Variants in FAF1 observed in about 807,000 individuals in gnomAD.
The protein encoded by FAF1 is FAS-associated factor 1.
A neutral mutation model predicts 92.5 loss-of-function variants in FAF1; 25 were observed. The ratio of observed to expected loss-of-function variants is 0.27; its 90% CI spans 0.20 to 0.38. FAF1 has a LOEUF of 0.38. FAF1 is among the 10% of genes least tolerant of loss of function. FAF1 has a pLI of 1.00. For synonymous variants in FAF1, 234 were observed against 273.2 expected, an observed-to-expected ratio of 0.86 and a Z score of 1.42; for missense variants, 636 against 793.3, an observed-to-expected ratio of 0.80 and a Z score of 2.38.
chr1:50,566,539 T>G (rs1317412484), intron 13 of FAF1, among the ~76,000 whole-genome samples: 1 of 152,042 alleles, frequency 6.6e-6, no homozygotes, highest in African/African-American at 2.4e-5. Flanking sequence ...TCCTGACAAC[T>G]AGGAAAGGAA....
intron 8 of FAF1, among the ~76,000 whole-genome samples, chr1:50,618,717 A>T (rs1400077948): frequency 2.0e-5 from 3 of 147,458 alleles, no homozygotes; most frequent in African/African-American, 5.0e-5. Flanking sequence ...TTTTACTAAC[A>T]TTTGTTTTAT....
chr1:50,840,785 CA>C (rs1644249381), intron 2 of FAF1, among the ~76,000 whole-genome samples: 1 of 151,652 alleles, frequency 6.6e-6, no homozygotes, highest in Non-Finnish European at 1.5e-5. Flanking sequence ...AATTGTCAGA[CA>C]AGTAAATATA....
At chr1:50,843,098 G>A (rs1468068224) in intron 2 of FAF1, among the ~76,000 whole-genome samples, 1 of 152,116 alleles carries the variant, frequency 6.6e-6, no homozygotes, top group East Asian at 1.9e-4. Context: ...AAATAGAGAT[G>A]TTATCGAATG....
At position 50,841,136 on chromosome 1, in the gene FAF1, T is replaced by C. The variant is rs529565856; in HGVS notation, c.114+16793A>G. ...AGATGTGGCGCAGCAATGGCTCCAC[T>C]ACAGCAGTAAGAAAAAGATTTAAAA... On this transcript the variant is annotated intron_variant, in intron 2 of 18. Transcript: ENST00000396153. 9.3e-4 allele frequency among the ~76,000 whole-genome samples: 141 copies of C among 152,180 alleles called. No individual in the cohort carries two copies. The South Asian group carries it at 0.012, about 13-fold the overall frequency.
chr1:50,699,356 T>A (rs999701396), intron 7 of FAF1, among the ~76,000 whole-genome samples: 2 of 152,138 alleles, frequency 1.3e-5, no homozygotes, highest in African/African-American at 4.8e-5. Context: ...CAGGTTTTTT[T>A]AATCTCATAA....
intron 1 of FAF1, among the ~76,000 whole-genome samples, chr1:50,934,113 T>C (rs957525754): frequency 6.6e-6 from 1 of 152,194 alleles, no homozygotes; most frequent in Non-Finnish European, 1.5e-5. Flanking sequence ...ATTTCTCCTA[T>C]TTATTAGTGG....
At chr1:50,928,196 A>G (rs1194755445) in intron 1 of FAF1, among the ~76,000 whole-genome samples, 1 of 152,198 alleles carries the variant, frequency 6.6e-6, no homozygotes, top group Admixed American at 6.5e-5. Flanking sequence ...TGTCTTTGGC[A>G]CACAGACGAC....
At chr1:50,759,771 G>A (rs1660247934) in intron 4 of FAF1, among the ~76,000 whole-genome samples, 1 of 152,208 alleles carries the variant, frequency 6.6e-6, no homozygotes, top group Non-Finnish European at 1.5e-5. Flanking sequence ...CACACCAACA[G>A]TGTAAAAGTG....
At chr1:50,507,662 G>A (rs1437273552) in intron 15 of FAF1, among the ~76,000 whole-genome samples, 1 of 152,166 alleles carries the variant, frequency 6.6e-6, no homozygotes, top group East Asian at 1.9e-4. Context: ...GTTACAGTGA[G>A]CTACCATCAT....
chr1:50,489,908 G>A (rs1646810343), intron 17 of FAF1, among the ~76,000 whole-genome samples: 1 of 822 alleles, frequency 1.2e-3, no homozygotes, highest in Non-Finnish European at 2.8e-3. Flanking sequence ...ATATTTGTTG[G>A]CACAAAAGGC....
chr1:50,448,179 A>C (rs746182091), intron 18 of FAF1, among the ~76,000 whole-genome samples: 1 of 152,166 alleles, frequency 6.6e-6, no homozygotes, highest in African/African-American at 2.4e-5. Flanking sequence ...GGCCTGACAC[A>C]TGGAAGCTAT....
At chr1:50,597,496 G>C (rs150241546) in intron 8 of FAF1, among the ~76,000 whole-genome samples, 1 of 152,024 alleles carries the variant, frequency 6.6e-6, no homozygotes, top group Admixed American at 6.6e-5. Flanking sequence ...TATGAGGGTA[G>C]CTACAAAAGC....
intron 7 of FAF1, among the ~76,000 whole-genome samples, chr1:50,658,931 G>A (rs141877006): frequency 6.6e-6 from 1 of 152,304 alleles, no homozygotes; most frequent in African/African-American, 2.4e-5. Flanking sequence ...GTATATGGAT[G>A]AAGCACAAGT....
At position 50,729,058 on chromosome 1, in the gene FAF1, A is replaced by ATATTTTTTTTT. The variant is rs1375923156; in HGVS notation, c.551+9804_551+9805insAAAAAAAAATA. 2.2e-3 allele frequency among the ~76,000 whole-genome samples: 155 copies of ATATTTTTTTTT among 70,050 alleles called. 5 individuals carry two copies. Among genetic ancestry groups the ATATTTTTTTTT allele is most frequent in the African/African-American group, 8.8e-3 (149 of 16,878 alleles). The allele number at this position is 70,050 out of a possible 152,430, so 46.0% of individuals were successfully genotyped here. On this transcript the variant is annotated intron_variant, in intron 6 of 18. Coordinates refer to ENST00000396153, the MANE Select transcript of FAF1 (RefSeq NM_007051.3). ...TCTATATATATATATATATATATATATTTTTTTTTTTTTTGAGGCAGAGTT... is the reference window on the plus strand; with the variant it reads ...TCTATATATATATATATATATATATATATTTTTTTTTTTTTTTTTTTTTTTGAGGCAGAGTT...
At chr1:50,672,211 A>AT (rs1221937378) in intron 7 of FAF1, among the ~76,000 whole-genome samples, 3 of 151,456 alleles carry the variant, frequency 2.0e-5, no homozygotes, top group African/African-American at 7.3e-5. Flanking sequence ...TGCCCAGCTA[A>AT]TTTTTTTGTA....
At chr1:50,804,422 CAAATAA>C (rs1267547251) in intron 2 of FAF1, among the ~76,000 whole-genome samples, 3 of 151,630 alleles carry the variant, frequency 2.0e-5, no homozygotes, top group Non-Finnish European at 2.9e-5. Flanking sequence ...AAAAACAAAA[CAAATAA>C]AAATAAAAAT....
intron 1 of FAF1, among the ~76,000 whole-genome samples, chr1:50,898,887 T>C (rs1016803568): frequency 6.6e-6 from 1 of 152,256 alleles, no homozygotes; most frequent in Non-Finnish European, 1.5e-5. Flanking sequence ...TGTTGGTTTA[T>C]GGTTTTCCTC....
chr1:50,722,577 C>T (rs1377022625), intron 6 of FAF1, among the ~76,000 whole-genome samples: 5 of 145,440 alleles, frequency 3.4e-5, no homozygotes, highest in East Asian at 2.1e-4. Context: ...TGAACCTGGG[C>T]GGCAGAGCTT....
At chr1:50,831,135 A>G (rs564914203) in intron 2 of FAF1, among the ~76,000 whole-genome samples, 1 of 150,476 alleles carries the variant, frequency 6.6e-6, no homozygotes, top group Non-Finnish European at 1.5e-5. Context: ...CAAAGCAGGG[A>G]TTTTTTTTTT....
Sources: allele counts gnomAD v4.1 joint callset (sites outside exome capture counted in the v4.1 genomes callset), GRCh38; gene constraint gnomAD v4.1.1; transcripts MANE v1.5; gene names NCBI Gene and HGNC (gene_info 2026-07-23, HGNC 2026-07-21).